RPS6KC1: variants seen among roughly 807,000 people sequenced by gnomAD.
RPS6KC1 encodes ribosomal protein S6 kinase C1, also known as inactive ribosomal protein S6 kinase delta-1.
In RPS6KC1, 54 loss-of-function variants were observed where a neutral mutation model predicts 103.8. The ratio of observed to expected loss-of-function variants is 0.52; its 90% confidence interval spans 0.42 to 0.65. The LOEUF (loss-of-function observed/expected upper bound fraction) is 0.65. Ranked by LOEUF, RPS6KC1 falls within the 30% of genes least tolerant of loss-of-function variation. The pLI is 0.00. For missense variants in RPS6KC1, 1,151 were observed against 1,253.8 expected (o/e 0.92, Z 1.24); for synonymous variants, 439 against 438.7 (o/e 1.00, Z -0.01).
the RPS6KC1 span, among the ~76,000 whole-genome samples, chr1:213,723,571 G>A: frequency 6.6e-6 from 1 of 152,102 alleles, no homozygotes; most frequent in East Asian, 1.9e-4. Flanking sequence ...TTTTACCTTA[G>A]TTACCTACTT....
At chr1:213,855,291 A>T in the RPS6KC1 span, among the ~76,000 whole-genome samples, 1 of 152,216 alleles carries the variant, frequency 6.6e-6, no homozygotes, top group Non-Finnish European at 1.5e-5. Context: ...GAAATGAGCT[A>T]TGAAAAACGC....
the RPS6KC1 span, among the ~76,000 whole-genome samples, chr1:213,431,017 T>TG: frequency 6.9e-6 from 1 of 145,432 alleles, no homozygotes; most frequent in Admixed American, 7.0e-5. Context: ...GGGTTGGGGG[T>TG]GGGGGAGTGT....
the RPS6KC1 span, among the ~76,000 whole-genome samples, chr1:213,606,834 T>C: frequency 2.0e-5 from 3 of 152,230 alleles, no homozygotes; most frequent in Non-Finnish European, 4.4e-5. Flanking sequence ...ATTATTGTAA[T>C]AATGATAAAG....
At chr1:213,122,935 T>C (rs1419831714) in intron 5 of RPS6KC1, among the ~76,000 whole-genome samples, 1 of 152,172 alleles carries the variant, frequency 6.6e-6, no homozygotes, top group African/African-American at 2.4e-5. Context: ...ATGATAAATA[T>C]TGACTCTTAC....
At chr1:213,626,952 A>G in the RPS6KC1 span, among the ~76,000 whole-genome samples, 1 of 152,122 alleles carries the variant, frequency 6.6e-6, no homozygotes, top group Non-Finnish European at 1.5e-5. Context: ...GTTTTTTCCA[A>G]TTCTGTGAAG....
chr1:213,194,106 A>G (rs1473212816), intron 8 of RPS6KC1, among the ~76,000 whole-genome samples: 2 of 151,914 alleles, frequency 1.3e-5, no homozygotes, highest in Non-Finnish European at 2.9e-5. Context: ...CTTGAAATCT[A>G]TTTTGTCTGA....
At chr1:213,181,934 T>C (rs2092290106) in intron 8 of RPS6KC1, among the ~76,000 whole-genome samples, 2 of 152,174 alleles carry the variant, frequency 1.3e-5, no homozygotes, top group African/African-American at 4.8e-5. Flanking sequence ...GTAAATACAA[T>C]GGACTTTCTT....
In RPS6KC1 at chr1:213,100,757, A is replaced by T. The variant is rs143794743; in HGVS notation, c.263-3697A>T. ...ACCTGCATCCATGTTGCTGCAAAGGACATTATTTCATTCTTTTTTATGGCT... is the reference window on the plus strand; with the variant it reads ...ACCTGCATCCATGTTGCTGCAAAGGTCATTATTTCATTCTTTTTTATGGCT... On this transcript the variant is annotated intron_variant, in intron 3 of 14. Coordinates refer to ENST00000366960, the MANE Select transcript of RPS6KC1 (RefSeq NM_012424.6). Among the ~76,000 whole-genome samples, 1,068 of 152,244 alleles carry T rather than the reference A, an allele frequency of 7.0e-3. 14 individuals are homozygous for T. The highest frequency in any genetic ancestry group is 0.024 in the African/African-American group (1,012 of 41,532).
At chr1:213,497,239 C>T in the RPS6KC1 span, among the ~76,000 whole-genome samples, 2 of 152,146 alleles carry the variant, frequency 1.3e-5, no homozygotes, top group South Asian at 2.1e-4. Context: ...TATGCTATAG[C>T]ATATGTTTGT....
chr1:213,206,848 C>G (rs1018388334), intron 8 of RPS6KC1, among the ~76,000 whole-genome samples: 1 of 152,122 alleles, frequency 6.6e-6, no homozygotes, highest in Non-Finnish European at 1.5e-5. Flanking sequence ...TGTGGTGGCT[C>G]ACACCTGTAA....
chr1:213,758,248 C>G, the RPS6KC1 span, among the ~76,000 whole-genome samples: 8 of 152,142 alleles, frequency 5.3e-5, no homozygotes, highest in Non-Finnish European at 1.0e-4. Flanking sequence ...TGAAAATCCT[C>G]TGGAAAGAAT....
the RPS6KC1 span, among the ~76,000 whole-genome samples, chr1:213,482,415 TATAAC>T: frequency 3.4e-3 from 510 of 152,192 alleles, 7 homozygotes; most frequent in African/African-American, 0.011. Flanking sequence ...TAATTAAACT[TATAAC>T]ATTCTGTATT....
At chr1:213,509,340 C>T in the RPS6KC1 span, among the ~76,000 whole-genome samples, 3 of 146,370 alleles carry the variant, frequency 2.0e-5, no homozygotes, top group South Asian at 4.3e-4. Flanking sequence ...AGAGTTGATC[C>T]TTTTTTTTTT....
the RPS6KC1 span, among the ~76,000 whole-genome samples, chr1:213,742,585 C>A: frequency 1.1e-3 from 170 of 152,356 alleles, 3 homozygotes; most frequent in African/African-American, 3.7e-3. Flanking sequence ...GGACAGCTAG[C>A]ACTCATTTAC....
At chr1:213,639,461 G>C in the RPS6KC1 span, among the ~76,000 whole-genome samples, 2 of 152,068 alleles carry the variant, frequency 1.3e-5, no homozygotes, top group African/African-American at 4.8e-5. Flanking sequence ...TTGGTGGCAA[G>C]GGCTGGGGTG....
At chr1:213,357,634 T>C in the RPS6KC1 span, among the ~76,000 whole-genome samples, 1 of 152,188 alleles carries the variant, frequency 6.6e-6, no homozygotes, top group Admixed American at 6.5e-5. Flanking sequence ...ACCACAGTGG[T>C]CCTCTCACTA....
intron 8 of RPS6KC1, among the ~76,000 whole-genome samples, chr1:213,216,771 A>G (rs1476477751): frequency 3.3e-5 from 5 of 152,184 alleles, no homozygotes; most frequent in African/African-American, 7.2e-5. Context: ...CTGAATGACT[A>G]CTGGGTACAT....
chr1:213,380,803 C>A, the RPS6KC1 span, among the ~76,000 whole-genome samples: 1 of 152,214 alleles, frequency 6.6e-6, no homozygotes, highest in Non-Finnish European at 1.5e-5. Context: ...AGTATTTCCG[C>A]CATCCGCAGC....
rs2094358288 is a variant in RPS6KC1, at chr1:213,241,738, TC to T, written c.2265del (p.Ser756LeufsTer8). 1 of 1,613,868 alleles carries T rather than the reference TC, an allele frequency of 6.2e-7. No individual in the cohort carries two copies. The highest frequency in any genetic ancestry group is 1.7e-5 in the Admixed American group (1 of 59,928). On this transcript the variant is annotated frameshift_variant, in exon 11 of 15. Coordinates refer to ENST00000366960, the MANE Select transcript of RPS6KC1 (RefSeq NM_012424.6). LOFTEE classifies it high-confidence loss of function. ...AGAAAGGCATAGAGGAACTGAGTGA[TC>T]CCTCTGGGCCCAAATCCTATAGTAT... ...EEKGIEELSD[P>X]SGPKSYSITE...
Sources: gnomAD v4.1 joint callset for allele counts (sites outside exome capture counted in the v4.1 genomes callset) on GRCh38, gnomAD v4.1.1 for gene constraint, MANE v1.5 for transcripts, NCBI Gene and HGNC (gene_info 2026-07-23, HGNC 2026-07-21) for gene names.